ZNF536: variants seen among roughly 807,000 people sequenced by gnomAD.
ZNF536 encodes the protein zinc finger protein 536.
ZNF536 carries 13 observed loss-of-function variants against 84.5 expected under a neutral mutation model. That is an observed-to-expected ratio of 0.15 (90% CI 0.10 to 0.24). The LOEUF is 0.24. ZNF536 is among the 10% of genes least tolerant of loss of function. The pLI, the probability that ZNF536 is intolerant of heterozygous loss-of-function variation, is 1.00. For synonymous variants in ZNF536, 811 were observed against 742.5 expected (o/e 1.09, Z -1.50); for missense variants, 1,536 against 1,747.5 (o/e 0.88, Z 2.16).
intron 1 of ZNF536, among the ~76,000 whole-genome samples, chr19:30,439,955 C>CT (rs1369505835): frequency 6.8e-5 from 9 of 133,036 alleles, no homozygotes; most frequent in African/African-American, 2.7e-4. Context: ...CTTTTTCTTT[C>CT]TTTCTTTTTT....
intron 1 of ZNF536, among the ~76,000 whole-genome samples, chr19:30,241,582 T>C (rs1029226762): frequency 6.6e-6 from 1 of 152,116 alleles, no homozygotes; most frequent in Non-Finnish European, 1.5e-5. Context: ...GCTAGGTCTG[T>C]CTAAGGAGCA....
rs557435942 is a variant in ZNF536 at position 30,245,832 on chromosome 19, A to G, written c.-190+17159A>G. On this transcript the variant is annotated intron_variant, in intron 1 of 5. Coordinates refer to the ZNF536 transcript ENST00000585628. ...TCTCTGAAGGTATTTCCCCGCCTATACCACTTGGTCTGAGGTTGGCCACGC... is the reference window on the plus strand; with the variant it reads ...TCTCTGAAGGTATTTCCCCGCCTATGCCACTTGGTCTGAGGTTGGCCACGC... Among the ~76,000 whole-genome samples the G allele has an allele frequency of 2.6e-5, 4 of 152,292 alleles. No individual in the cohort carries two copies. In the East Asian group the frequency reaches 7.7e-4, roughly 29 times the overall value.
chr19:30,489,889 A>G (rs2054441302), intron 2 of ZNF536, among the ~76,000 whole-genome samples: 1 of 152,244 alleles, frequency 6.6e-6, no homozygotes, highest in South Asian at 2.1e-4. Context: ...AGGCTGAAGA[A>G]GTAAAACAAA....
Position 30,607,604 on chromosome 19 carries a change from CA to C in ZNF536, c.169+58091del, listed in dbSNP as rs372701657. Among the ~76,000 whole-genome samples, 640 of 151,468 alleles carry C rather than the reference CA, an allele frequency of 4.2e-3. 2 individuals carry two copies. The highest frequency in any genetic ancestry group is 0.014 in the African/African-American group (597 of 41,244). On this transcript the variant is annotated intron_variant, in intron 1 of 1. Coordinates refer to the ZNF536 transcript ENST00000592773. The stretch of plus-strand genomic sequence containing the variant: ...GGACGTGGTGGTGCACACCTGTAAT[CA>C]CAGCTACTCGGGAGGCTGAGGCAGG...
At chr19:30,639,888 G>T (rs1200017788) in intron 1 of ZNF536, among the ~76,000 whole-genome samples, 1 of 152,188 alleles carries the variant, frequency 6.6e-6, no homozygotes, top group Non-Finnish European at 1.5e-5. Flanking sequence ...TTCCTTTTTA[G>T]AATCTTGACC....
chr19:30,490,716 T>C (rs564626631), intron 2 of ZNF536, among the ~76,000 whole-genome samples: 110 of 152,328 alleles, frequency 7.2e-4, no homozygotes, highest in Non-Finnish European at 1.2e-3. Flanking sequence ...ATGATGATGT[T>C]GTTTGCTAGG....
At chr19:30,342,689 A>G (rs974825089) in intron 2 of ZNF536, among the ~76,000 whole-genome samples, 1 of 152,246 alleles carries the variant, frequency 6.6e-6, no homozygotes, top group African/African-American at 2.4e-5. Context: ...ACCTAAGATA[A>G]TGCTGCATTT....
At chr19:30,391,120 G>A (rs1159577223) in intron 1 of ZNF536, among the ~76,000 whole-genome samples, 1 of 152,212 alleles carries the variant, frequency 6.6e-6, no homozygotes, top group African/African-American at 2.4e-5. Context: ...AGGTGGTTAG[G>A]AGCAGGCCTG....
chr19:30,517,278 T>C lies in ZNF536; in HGVS notation c.2171-17569T>C, dbSNP rs1356238929. Among the ~76,000 whole-genome samples, 6 of 152,348 alleles carry C rather than the reference T, an allele frequency of 3.9e-5. No individual in the cohort carries two copies. The East Asian group carries it at 1.2e-3, about 29-fold the overall frequency. On this transcript the variant is annotated intron_variant, in intron 2 of 4. Transcript: ENST00000355537. ...CCCATCATAATTACGAGAATTAGTC[T>C]GGAGGCTTCTGCCTTATTTGCCTAA...
At chr19:30,585,007 G>A (rs2047047714) in intron 1 of ZNF536, among the ~76,000 whole-genome samples, 1 of 152,026 alleles carries the variant, frequency 6.6e-6, no homozygotes, top group Non-Finnish European at 1.5e-5. Context: ...TGAGGTGGGA[G>A]GATTGCTTGA....
intron 1 of ZNF536, among the ~76,000 whole-genome samples, chr19:30,411,742 T>A (rs1379413391): frequency 1.3e-5 from 2 of 152,134 alleles, no homozygotes; most frequent in Non-Finnish European, 2.9e-5. Flanking sequence ...ACATGCTGTC[T>A]TTTTATTCTT....
At position 30,489,593 on chromosome 19, in the gene ZNF536, G is replaced by T. The variant is rs117313825; in HGVS notation, c.2170+43861G>T. Among the ~76,000 whole-genome samples, 932 of 151,860 alleles carry T rather than the reference G, an allele frequency of 6.1e-3. 28 individuals are homozygous for T. Among genetic ancestry groups the T allele is most frequent in the Admixed American group, 0.047 (716 of 15,238 alleles). On this transcript the variant is annotated intron_variant, in intron 2 of 4. Coordinates refer to ENST00000355537, the MANE Select transcript of ZNF536 (RefSeq NM_014717.3). Reference sequence around the variant, plus strand: ...TGAGACTCGGTCTCTAAAAATGAAAGTAAAAATAAGGAAAATAAAATAATA... The same window carrying T: ...TGAGACTCGGTCTCTAAAAATGAAATTAAAAATAAGGAAAATAAAATAATA...
At chr19:30,295,122 A>G (rs2024300) in intron 2 of ZNF536, among the ~76,000 whole-genome samples, 35,364 of 152,042 alleles carry the variant, frequency 0.23, 5,025 homozygotes, top group East Asian at 0.54. Context: ...ATCTAGGGGA[A>G]TGAGATTCTG....
intron 2 of ZNF536, among the ~76,000 whole-genome samples, chr19:30,314,321 C>A (rs1231231248): frequency 1.3e-5 from 2 of 152,088 alleles, no homozygotes; most frequent in Admixed American, 1.3e-4. Flanking sequence ...GTGGTGTAGA[C>A]AGGGCTCCTG....
At chr19:30,611,309 C>G (rs1011295807) in intron 1 of ZNF536, among the ~76,000 whole-genome samples, 4 of 152,266 alleles carry the variant, frequency 2.6e-5, no homozygotes, top group East Asian at 3.9e-4. Context: ...GCTGAAATCT[C>G]AAGTGAGGGG....
At chr19:30,438,632 C>T (rs1272148400) in intron 1 of ZNF536, among the ~76,000 whole-genome samples, 4 of 152,202 alleles carry the variant, frequency 2.6e-5, no homozygotes, top group African/African-American at 9.6e-5. Context: ...ATAATAAGAC[C>T]TTCCAGCAGG....
chr19:30,337,222 G>T (rs758534308), intron 2 of ZNF536, among the ~76,000 whole-genome samples: 15 of 152,172 alleles, frequency 9.9e-5, no homozygotes, highest in Admixed American at 2.6e-4. Context: ...GCCAAGGCTG[G>T]CACTGGACGC....
At chr19:30,491,059 C>T (rs780339535) in intron 2 of ZNF536, among the ~76,000 whole-genome samples, 7 of 152,164 alleles carry the variant, frequency 4.6e-5, no homozygotes, top group Non-Finnish European at 1.0e-4. Context: ...AACTATGGCT[C>T]CAGTGTCTAC....
intron 1 of ZNF536, among the ~76,000 whole-genome samples, chr19:30,646,819 C>T (rs1250867196): frequency 7.9e-5 from 12 of 152,272 alleles, no homozygotes; most frequent in African/African-American, 2.9e-4. Context: ...AATTCCACCA[C>T]GTTTGGGCGC....
Sources: gnomAD v4.1 joint callset for allele counts (sites outside exome capture counted in the v4.1 genomes callset) on GRCh38, gnomAD v4.1.1 for gene constraint, MANE v1.5 for transcripts, NCBI Gene and HGNC (gene_info 2026-07-23, HGNC 2026-07-21) for gene names.